The following EPHA4 variants were observed in gnomAD, a reference collection of about 807,000 sequenced individuals.
EPHA4 encodes EPH receptor A4.
In EPHA4, 19 loss-of-function variants were observed where a neutral mutation model predicts 108.3. The ratio of observed to expected loss-of-function variants is 0.18; its 90% CI spans 0.12 to 0.26. The LOEUF is 0.26. EPHA4 is among the 10% of genes least tolerant of loss of function. The pLI, the probability that EPHA4 is intolerant of heterozygous loss-of-function variation, is 1.00. For missense variants in EPHA4, 917 were observed against 1,254.0 expected (o/e 0.73, Z 4.06); for synonymous variants, 449 against 455.5 (o/e 0.99, Z 0.18).
intron 5 of EPHA4, among the ~76,000 whole-genome samples, chr2:221,460,547 T>C (rs1329263729): frequency 6.6e-6 from 1 of 152,226 alleles, no homozygotes; most frequent in East Asian, 1.9e-4. Context: ...ACCTAAAACA[T>C]ACAACTGCAT....
chr2:221,509,184 C>A (rs1375780263), intron 3 of EPHA4, among the ~76,000 whole-genome samples: 1 of 152,044 alleles, frequency 6.6e-6, no homozygotes, highest in Non-Finnish European at 1.5e-5. Context: ...CAAAATTAGC[C>A]AGGCGTGGTG....
At chr2:221,566,954 AGGGGAAGAGGAAGAG>A (rs1694678695) in intron 2 of EPHA4, among the ~76,000 whole-genome samples, 1 of 43,368 alleles carries the variant, frequency 2.3e-5, no homozygotes, top group Non-Finnish European at 4.3e-5. Context: ...GAGAAGGAGA[AGGGGAAGAGGAAGAG>A]GAAGAAGAAG....
chr2:221,557,202 G>C (rs1694331807), intron 3 of EPHA4, among the ~76,000 whole-genome samples: 1 of 152,158 alleles, frequency 6.6e-6, no homozygotes, highest in South Asian at 2.1e-4. Flanking sequence ...CAGAGGATTG[G>C]ATCAATGTAG....
Position 221,434,177 on chromosome 2 carries a change from C to G in EPHA4, c.2461G>C (p.Gly821Arg). 6.2e-7 allele frequency: 1 copy of G among 1,614,030 alleles called. No individual in the cohort carries two copies. The highest frequency in any genetic ancestry group is 8.5e-7 in the Non-Finnish European group (1 of 1,179,934). ...GACATATCCCAATAGGGCCTCTCCCCGTACGACATCACTTCCCACATAACG... is the reference window on the plus strand; with the variant it reads ...GACATATCCCAATAGGGCCTCTCCCGGTACGACATCACTTCCCACATAACG... ...GIVMWEVMSY[G>R]ERPYWDMSNQ... Residue 821 changes from glycine (G) to arginine (R), a missense_variant, in exon 14 of 18, where the codon GGG becomes CGG. Around this residue, in one of 3 missense-constraint regions of EPHA4, gnomAD observed 758 missense variants for 1,076.7 expected, o/e 0.70. Transcript: ENST00000281821.
intron 3 of EPHA4, among the ~76,000 whole-genome samples, chr2:221,516,834 G>A (rs1053853806): frequency 2.6e-5 from 4 of 152,162 alleles, no homozygotes; most frequent in East Asian, 1.9e-4. Flanking sequence ...CTAGGACTGT[G>A]AGCAAGGTCC....
At chr2:221,456,843 T>C (rs1348060414) in intron 6 of EPHA4, 71 bp from the exon 7 acceptor site, 1 of 1,560,466 alleles carries the variant, frequency 6.4e-7, no homozygotes, top group African/African-American at 1.4e-5. Context: ...AGGTGCAATA[T>C]TAAAGGAGTC....
At chr2:221,448,452 C>A (rs3770184) in intron 8 of EPHA4, among the ~76,000 whole-genome samples, 1 of 151,972 alleles carries the variant, frequency 6.6e-6, no homozygotes, top group African/African-American at 2.4e-5. Flanking sequence ...TCTTAAAATC[C>A]ATTGCTTCAT....
intron 4 of EPHA4, among the ~76,000 whole-genome samples, chr2:221,500,483 A>G (rs906474448): frequency 2.4e-4 from 36 of 152,234 alleles, no homozygotes; most frequent in African/African-American, 8.2e-4. Context: ...TCATCCATTC[A>G]TTAACCCAGC....
rs886712584 is a variant in EPHA4, at chr2:221,460,620, A to T, written c.1319-2630T>A. ...TTTGAGAAAATCTGGGCTTTGCCAT[A>T]CTGCCACTTTGGAAAGGAGGCAACC... On this transcript the variant is annotated intron_variant, in intron 5 of 17. Coordinates refer to ENST00000281821, the MANE Select transcript of EPHA4 (RefSeq NM_004438.5). Among the ~76,000 whole-genome samples, 159 of 152,316 alleles carry T rather than the reference A, an allele frequency of 1.0e-3. 1 individual carries two copies. The highest frequency in any genetic ancestry group is 0.01 in the Admixed American group (159 of 15,292).
intron 3 of EPHA4, among the ~76,000 whole-genome samples, chr2:221,558,764 A>G (rs1462454445): frequency 6.6e-6 from 1 of 152,184 alleles, no homozygotes; most frequent in South Asian, 2.1e-4. Flanking sequence ...GAAAAAAAAA[A>G]GTATATCAGA....
In EPHA4 at chr2:221,533,458, G is replaced by A. The variant is rs116789703; in HGVS notation, c.823+30273C>T. Among the ~76,000 whole-genome samples the A allele has an allele frequency of 6.8e-3, 1,029 of 152,068 alleles. 8 individuals are homozygous for A. Among genetic ancestry groups the A allele is most frequent in the African/African-American group, 0.023 (941 of 41,480 alleles). On this transcript the variant is annotated intron_variant, in intron 3 of 17. Coordinates refer to ENST00000281821, the MANE Select transcript of EPHA4 (RefSeq NM_004438.5). ...TATTCACTGAGATGGCTGATGACTC[G>A]GAGGGAGGAGGAAGCTGATATGTTC... is the stretch of plus-strand genomic sequence containing the variant.
chr2:221,444,627 G>A (rs1690530523), intron 9 of EPHA4, among the ~76,000 whole-genome samples: 3 of 151,824 alleles, frequency 2.0e-5, no homozygotes, highest in African/African-American at 7.2e-5. Context: ...AGGAGGAAAC[G>A]AGGTGAATAA....
At chr2:221,442,481 G>A (rs1284844933) in intron 11 of EPHA4, among the ~76,000 whole-genome samples, 1 of 152,098 alleles carries the variant, frequency 6.6e-6, no homozygotes, top group Non-Finnish European at 1.5e-5. Flanking sequence ...GTTTTGTTGT[G>A]CTTTATAGGA....
At chr2:221,544,267 C>G (rs535802553) in intron 3 of EPHA4, among the ~76,000 whole-genome samples, 1 of 152,228 alleles carries the variant, frequency 6.6e-6, no homozygotes, top group Non-Finnish European at 1.5e-5. Flanking sequence ...AACCTTGATA[C>G]AAAGGCTAAG....
intron 4 of EPHA4, among the ~76,000 whole-genome samples, chr2:221,494,622 A>G (rs1223020806): frequency 2.0e-5 from 3 of 152,180 alleles, no homozygotes; most frequent in Admixed American, 1.3e-4. Context: ...AGGGAAAACA[A>G]AAAAAGAAAG....
rs1690117602 is a variant in EPHA4, at chr2:221,432,776, T to TG, written c.2496+1365dup. 1.3e-5 allele frequency among the ~76,000 whole-genome samples: 2 copies of TG among 150,820 alleles called. 1 individual carries two copies. Among genetic ancestry groups the TG allele is most frequent in the South Asian group, 4.2e-4 (2 of 4,772 alleles). ...AGCCTACCTCAGCGTCCCGAGTAGC[T>TG]GGGACTACAGGCGCACACCACCACG... is the stretch of plus-strand genomic sequence containing the variant. On this transcript the variant is annotated intron_variant, in intron 14 of 17. Coordinates refer to ENST00000281821, the MANE Select transcript of EPHA4 (RefSeq NM_004438.5).
chr2:221,504,468 T>C (rs1226430001), intron 3 of EPHA4, among the ~76,000 whole-genome samples: 3 of 152,084 alleles, frequency 2.0e-5, no homozygotes, highest in Non-Finnish European at 4.4e-5. Context: ...GGATTTTTGA[T>C]GCATTGATGT....
At chr2:221,457,674 T>C (rs1335831352) in intron 6 of EPHA4, among the ~76,000 whole-genome samples, 192 bp downstream of exon 6, 1 of 151,910 alleles carries the variant, frequency 6.6e-6, no homozygotes, top group Non-Finnish European at 1.5e-5. Flanking sequence ...GAGGATTCAC[T>C]GGTATTCCAT....
intron 5 of EPHA4, among the ~76,000 whole-genome samples, chr2:221,461,751 T>A (rs190769441): frequency 4.6e-5 from 7 of 152,318 alleles, no homozygotes; most frequent in Admixed American, 4.6e-4. Context: ...GGGAAATTTT[T>A]ATAGTAGTCT....
Sources: allele counts gnomAD v4.1 joint callset (sites outside exome capture counted in the v4.1 genomes callset), GRCh38; gene constraint gnomAD v4.1.1; regional missense constraint gnomAD v4.1.1; transcripts MANE v1.5; gene names NCBI Gene and HGNC (gene_info 2026-07-23, HGNC 2026-07-21).